The following RHPN2 variants were observed in gnomAD, a reference collection of about 807,000 sequenced individuals.
RHPN2 encodes rhophilin-2.
RHPN2 carries 40 observed loss-of-function variants against 79.0 expected under a neutral mutation model. That is an observed-to-expected ratio of 0.51 (90% CI 0.39 to 0.66). The LOEUF is 0.66. Ranked by LOEUF, RHPN2 falls within the 30% of genes least tolerant of loss-of-function variation. The pLI is 0.00. For missense variants in RHPN2, 686 were observed against 883.5 expected, an observed-to-expected ratio of 0.78 and a Z score of 2.83; for synonymous variants, 285 against 363.5, an observed-to-expected ratio of 0.78 and a Z score of 2.46.
chr19:33,024,048 A>C (rs1971947020), intron 3 of RHPN2, among the ~76,000 whole-genome samples: 1 of 152,192 alleles, frequency 6.6e-6, no homozygotes, highest in South Asian at 2.1e-4. Flanking sequence ...CGCCTCCTCC[A>C]GAACCTGAAC....
rs113985403 is a variant in RHPN2 at position 33,026,943 on chromosome 19, A to G, written c.186-311T>C. 4.7e-4 allele frequency: 167 copies of G among 358,052 alleles called. 1 individual carries two copies. The highest frequency in any genetic ancestry group is 3.3e-3 in the African/African-American group (157 of 47,162). 22.2% of individuals were successfully genotyped at this position (358,052 alleles called of 1,614,324 possible). On this transcript the variant is annotated intron_variant, in intron 2 of 14. Transcript: ENST00000254260. ...CCCAGCCATGCCCTAAAATACCATA[A>G]GATACCCACTTGAAAAGAAATGAAT...
intron 3 of RHPN2, among the ~76,000 whole-genome samples, chr19:33,022,436 T>C (rs6510326): frequency 0.56 from 85,429 of 151,732 alleles, 27,654 homozygotes; most frequent in African/African-American, 0.88. Flanking sequence ...CCCTCACATT[T>C]GCAACTCTGG....
At position 33,050,722 on chromosome 19, in the gene RHPN2, G is replaced by A. The variant is rs150151832; in HGVS notation, c.70-6358C>T. ...AGACAGAGTTTCGCTCTTGTTGCCC[G>A]GGCTGGAGCACAGTGGCGTGAACTC... is the stretch of plus-strand genomic sequence containing the variant. On this transcript the variant is annotated intron_variant, in intron 1 of 14. Coordinates refer to ENST00000254260, the MANE Select transcript of RHPN2 (RefSeq NM_033103.5). Among the ~76,000 whole-genome samples the A allele has an allele frequency of 4.2e-3, 632 of 151,866 alleles. 7 individuals are homozygous for A. The highest frequency in any genetic ancestry group is 0.014 in the African/African-American group (587 of 41,412).
At chr19:33,019,462 C>G (rs539540361) in intron 4 of RHPN2, among the ~76,000 whole-genome samples, 1 of 152,196 alleles carries the variant, frequency 6.6e-6, no homozygotes, top group African/African-American at 2.4e-5. Flanking sequence ...GCCTGTAATC[C>G]CAGCTACTCG....
chr19:33,002,775 G>A (rs777235256), intron 8 of RHPN2, 38 bp downstream of exon 8: 1 of 1,608,196 alleles, frequency 6.2e-7, no homozygotes, highest in South Asian at 1.1e-5. Flanking sequence ...AGCATCTCCT[G>A]CCCACTCCCC....
intron 12 of RHPN2, among the ~76,000 whole-genome samples, chr19:32,992,574 C>T (rs1971669516): frequency 6.6e-6 from 1 of 152,090 alleles, no homozygotes. Context: ...TTTGTGTGAC[C>T]AAGGCAGAAG....
intron 2 of RHPN2, among the ~76,000 whole-genome samples, chr19:33,033,892 A>G (rs1014798863): frequency 7.2e-5 from 11 of 152,100 alleles, no homozygotes; most frequent in South Asian, 2.1e-4. Context: ...AAAATAAAAT[A>G]AAAATAAATA....
In RHPN2 at chr19:32,979,867, G is replaced by GT. The variant is rs1290333528; in HGVS notation, c.*128dup. ...TTTCCTTCATAAAAACACATCAAAT[G>GT]TGAGTTTACACTATGAGAAAAACAG... On this transcript the variant is annotated 3_prime_UTR_variant, in exon 15 of 15. Coordinates refer to ENST00000254260, the MANE Select transcript of RHPN2 (RefSeq NM_033103.5). 6.0e-6 allele frequency: 7 copies of GT among 1,163,810 alleles called. No homozygotes were observed. Among genetic ancestry groups the GT allele is most frequent in the Non-Finnish European group, 7.5e-6 (6 of 801,870 alleles). 72.1% of individuals were successfully genotyped at this position (1,163,810 alleles called of 1,614,324 possible).
intron 6 of RHPN2, among the ~76,000 whole-genome samples, chr19:33,008,451 G>A (rs985745331): frequency 6.6e-6 from 1 of 151,288 alleles, no homozygotes; most frequent in Non-Finnish European, 1.5e-5. Context: ...TAGAGATGGG[G>A]TCTATGTTAC....
chr19:32,987,025 C>T (rs560625187), intron 14 of RHPN2, among the ~76,000 whole-genome samples: 6 of 151,610 alleles, frequency 4.0e-5, no homozygotes, highest in African/African-American at 1.2e-4. Context: ...TACAGGCATA[C>T]GCCACCATGC....
Position 32,982,331 on chromosome 19 carries a change from C to T in RHPN2, c.1801-2075G>A, listed in dbSNP as rs543961570. ...CTGAGGCAGAAGAATCACTTGAACC[C>T]AGGAGGCGGAGGTTGCAGTGAGCCC... is the stretch of plus-strand genomic sequence containing the variant. On this transcript the variant is annotated intron_variant, in intron 14 of 14. Coordinates refer to ENST00000254260, the MANE Select transcript of RHPN2 (RefSeq NM_033103.5). Among the ~76,000 whole-genome samples the T allele has an allele frequency of 3.1e-4, 47 of 152,174 alleles. No homozygotes were observed. The East Asian group carries it at 8.5e-3, about 28-fold the overall frequency.
At chr19:33,056,788 T>C (rs1188312200) in intron 1 of RHPN2, among the ~76,000 whole-genome samples, 2 of 151,718 alleles carry the variant, frequency 1.3e-5, no homozygotes, top group South Asian at 2.1e-4. Context: ...ATCCGAGCAC[T>C]GTGGAAGGCT....
intron 13 of RHPN2, among the ~76,000 whole-genome samples, chr19:32,991,592 C>G (rs1258737946): frequency 6.6e-6 from 1 of 152,146 alleles, no homozygotes; most frequent in African/African-American, 2.4e-5. Context: ...TGAGATCGCG[C>G]CACTGCACGA....
chr19:33,028,657 C>A (rs908490797), intron 2 of RHPN2, among the ~76,000 whole-genome samples: 2 of 152,076 alleles, frequency 1.3e-5, no homozygotes, highest in African/African-American at 4.8e-5. Context: ...TCATTATTGT[C>A]AAGATATCAA....
intron 2 of RHPN2, among the ~76,000 whole-genome samples, chr19:33,032,277 G>A (rs775358051): frequency 2.0e-5 from 3 of 151,576 alleles, no homozygotes; most frequent in Non-Finnish European, 2.9e-5. Flanking sequence ...TCGGCCTCCC[G>A]AAGTGCTGGG....
chr19:32,984,145 A>C (rs1379614146), intron 14 of RHPN2, among the ~76,000 whole-genome samples: 2 of 152,134 alleles, frequency 1.3e-5, no homozygotes, highest in East Asian at 3.9e-4. Context: ...CCAGAGCTTG[A>C]TTCCAAGCTT....
intron 1 of RHPN2, among the ~76,000 whole-genome samples, chr19:33,046,274 CT>C (rs1166447029): frequency 6.6e-6 from 1 of 151,770 alleles, no homozygotes; most frequent in Non-Finnish European, 1.5e-5. Context: ...ATTTTTGATT[CT>C]GTTTTTTTGA....
chr19:32,980,373 C>T lies in RHPN2; in HGVS notation c.1801-117G>A, dbSNP rs12971408. On this transcript the variant is annotated intron_variant, in intron 14 of 14. Coordinates refer to ENST00000254260, the MANE Select transcript of RHPN2 (RefSeq NM_033103.5). ...CTGTAATCCCAACAGTTTGGGAGGC[C>T]GAGGAAGGCGGATCACTTGAGGTCA... The T allele has an allele frequency of 0.16, 189,504 of 1,189,454 alleles. 16,584 individuals carry two copies. Among genetic ancestry groups the T allele is most frequent in the East Asian group, 0.31 (12,847 of 42,098 alleles). 73.7% of individuals were successfully genotyped at this position (1,189,454 alleles called of 1,614,324 possible). A position where few individuals can be genotyped will look rare whatever the true frequency, so the allele number is the denominator to read the frequency against.
chr19:33,064,227 G>A (rs972740178), intron 1 of RHPN2, among the ~76,000 whole-genome samples: 1 of 152,182 alleles, frequency 6.6e-6, no homozygotes, highest in African/African-American at 2.4e-5. Flanking sequence ...CCAGTTACTC[G>A]GGAGGCTGGG....
Sources: gnomAD v4.1 joint callset for allele counts (sites outside exome capture counted in the v4.1 genomes callset) on GRCh38, gnomAD v4.1.1 for gene constraint, MANE v1.5 for transcripts, NCBI Gene and HGNC (gene_info 2026-07-23, HGNC 2026-07-21) for gene names.